KDM1A: variants seen among roughly 807,000 people sequenced by gnomAD.
KDM1A encodes the protein lysine-specific histone demethylase 1A.
Under a neutral mutation model 109.4 loss-of-function variants are expected in KDM1A, and 49 were observed. The observed-to-expected ratio is 0.45, with a 90% CI of 0.36 to 0.57. KDM1A has a LOEUF of 0.57. Among genes scored for constraint, KDM1A ranks in the 20% least tolerant of loss-of-function variants. The pLI, the probability that KDM1A is intolerant of heterozygous loss-of-function variation, is 0.00. For missense variants in KDM1A, 668 were observed against 1,116.6 expected (o/e 0.60, Z 5.73); for synonymous variants, 380 against 415.4 (o/e 0.91, Z 1.04).
intron 1 of KDM1A, among the ~76,000 whole-genome samples, chr1:23,026,397 T>G (rs1381920461): frequency 8.7e-5 from 5 of 57,380 alleles, no homozygotes; most frequent in Non-Finnish European, 1.4e-4. Context: ...TCTGTTTGTT[T>G]TTTTTTTTTT....
In KDM1A at chr1:23,068,550, G is replaced by C; in HGVS notation, c.1191G>C (p.Glu397Asp). 1 of 1,582,138 alleles carries C rather than the reference G, an allele frequency of 6.3e-7. No homozygotes were observed. Among genetic ancestry groups the C allele is most frequent in the South Asian group, 1.2e-5 (1 of 84,666 alleles). The change falls in exon 11 of 21, where the codon GAG (glutamate) becomes GAC (aspartate). Residue 397 changes from glutamate (E) to aspartate (D), a missense_variant. By Grantham distance (45) the Glu-to-Asp change is conservative. Around this residue, in one of 8 missense-constraint regions of KDM1A, gnomAD observed 53 missense variants for 122.5 expected, o/e 0.43. Transcript: ENST00000400181. ...GQADTVKVPK[E>D]KDEMVEQEFN... ...CTTCGGATTTTCAGGTTCCTAAAGA[G>C]AAAGATGAAATGGTAGAGCAAGAGT...
intron 2 of KDM1A, among the ~76,000 whole-genome samples, chr1:23,036,832 A>G (rs991459565): frequency 2.0e-5 from 3 of 152,134 alleles, no homozygotes; most frequent in Non-Finnish European, 2.9e-5. Context: ...AAAAATAGGC[A>G]TTTTCTACAA....
rs1553131352 is a variant in KDM1A, at chr1:23,071,248, T to G, written c.1437T>G (p.Ile479Met). ...LNKMVNLKEK[I>M]KELHQQYKEA... ...AGATGGTAAATTTGAAAGAGAAAAT[T>G]AAAGAACTCCATCAGCAATACAAAG... The change falls in exon 13 of 21, where the codon ATT (isoleucine) becomes ATG (methionine). Residue 479 changes from isoleucine (I) to methionine (M), a missense_variant. Physicochemically the swap from Ile to Met is conservative, Grantham distance 10 (BLOSUM62 1). Transcript: ENST00000400181. The G allele has an allele frequency of 6.3e-7, 1 of 1,598,470 alleles. No individual in the cohort carries two copies. The highest frequency in any genetic ancestry group is 1.1e-5 in the South Asian group (1 of 87,636).
At chr1:23,038,566 G>T (rs1393540652) in intron 2 of KDM1A, among the ~76,000 whole-genome samples, 1 of 152,138 alleles carries the variant, frequency 6.6e-6, no homozygotes, top group Non-Finnish European at 1.5e-5. Context: ...AATAAGTAAG[G>T]ATCAGGAAAA....
intron 2 of KDM1A, among the ~76,000 whole-genome samples, chr1:23,035,826 A>G (rs2124394262): frequency 6.6e-6 from 1 of 152,350 alleles, no homozygotes; most frequent in Admixed American, 6.5e-5. Flanking sequence ...ATTAAAAGGC[A>G]GAATCTTCTA....
chr1:23,071,447 A>G (rs1470527526), intron 13 of KDM1A, 88 bp downstream of exon 13: 119 of 1,301,194 alleles, frequency 9.1e-5, no homozygotes, highest in Non-Finnish European at 8.9e-5. Flanking sequence ...GAGAGCCACT[A>G]GCCAATCACA....
At chr1:23,038,139 G>A (rs1258556649) in intron 2 of KDM1A, among the ~76,000 whole-genome samples, 4 of 152,128 alleles carry the variant, frequency 2.6e-5, no homozygotes, top group African/African-American at 9.7e-5. Flanking sequence ...AATCAGGGCA[G>A]CTTTAGACCA....
At chr1:23,077,554 C>G (rs911623500) in intron 16 of KDM1A, among the ~76,000 whole-genome samples, 194 bp downstream of exon 16, 5 of 152,214 alleles carry the variant, frequency 3.3e-5, no homozygotes, top group Admixed American at 6.5e-5. Flanking sequence ...ACTGGGAAAT[C>G]GAAGCAAGTT....
At chr1:23,075,231 A>T (rs1418725574) in intron 15 of KDM1A, among the ~76,000 whole-genome samples, 3 of 152,244 alleles carry the variant, frequency 2.0e-5, no homozygotes, top group Non-Finnish European at 4.4e-5. Flanking sequence ...TTTACTCTTC[A>T]AGTGAGAAAT....
Position 23,079,297 on chromosome 1 carries a change from C to A in KDM1A, c.2055+120C>A. ...CATTTGGCTATGCTCCCAATTGTGA[C>A]ATCAGGGCTGAGGCGTGTCAGTTGA... On this transcript the variant is annotated intron_variant, in intron 17 of 20. Coordinates refer to ENST00000400181, the MANE Select transcript of KDM1A (RefSeq NM_001009999.3). This position sits in a 1 kb window ranked among gnomAD's most constrained non-coding sequence, Gnocchi z 5.6. The A allele has an allele frequency of 9.9e-7, 1 of 1,010,838 alleles. No homozygotes were observed. Among genetic ancestry groups the A allele is most frequent in the Non-Finnish European group, 1.5e-6 (1 of 683,128 alleles). The allele number at this position is 1,010,838 out of a possible 1,614,324, so 62.6% of individuals were successfully genotyped here. A position where few individuals can be genotyped will look rare whatever the true frequency, so the allele number is the denominator to read the frequency against.
intron 2 of KDM1A, among the ~76,000 whole-genome samples, chr1:23,033,246 G>C (rs1261450929): frequency 6.6e-6 from 1 of 152,140 alleles, no homozygotes; most frequent in Non-Finnish European, 1.5e-5. Context: ...AAAAAATATA[G>C]GTTAGGGCCA....
chr1:23,050,635 A>G (rs940088045), intron 4 of KDM1A, 115 bp downstream of exon 4: 5 of 780,160 alleles, frequency 6.4e-6, no homozygotes, highest in African/African-American at 3.6e-5. Context: ...CTATAATACT[A>G]TTATTACCCA....
At chr1:23,083,130 T>C (rs1415249571) in intron 20 of KDM1A, 49 bp from the exon 21 acceptor site, 7 of 1,535,628 alleles carry the variant, frequency 4.6e-6, no homozygotes, top group Non-Finnish European at 3.6e-6. Flanking sequence ...AGTACAAGAA[T>C]AAAGGTATAT....
In KDM1A at chr1:23,083,442, C is replaced by A; in HGVS notation, c.*78C>A. On this transcript the variant is annotated 3_prime_UTR_variant, in exon 21 of 21. Coordinates refer to ENST00000400181, the MANE Select transcript of KDM1A (RefSeq NM_001009999.3). ...GAAGGCTCTTCTAGCAATACTAGAT[C>A]CCACTGAGAAAATCCACCCTGGCAT... 7.2e-7 allele frequency: 1 copy of A among 1,393,446 alleles called. No homozygotes were observed. Among genetic ancestry groups the A allele is most frequent in the Admixed American group, 2.3e-5 (1 of 43,454 alleles). 86.3% of individuals were successfully genotyped at this position (1,393,446 alleles called of 1,614,324 possible).
At chr1:23,056,870 G>T (rs892461426) in intron 7 of KDM1A, among the ~76,000 whole-genome samples, 14 of 151,150 alleles carry the variant, frequency 9.3e-5, no homozygotes, top group African/African-American at 2.9e-4. Flanking sequence ...TTAAATTATC[G>T]CTACAACTCA....
chr1:23,042,435 A>ATATTATTAT (rs1404004021), intron 2 of KDM1A, among the ~76,000 whole-genome samples: 9,247 of 58,060 alleles, frequency 0.16, 1,422 homozygotes, highest in East Asian at 0.21. Context: ...TCTATGAAAT[A>ATATTATTAT]TATTATTTTT....
At chr1:23,039,953 AACTC>A (rs1350390782) in intron 2 of KDM1A, among the ~76,000 whole-genome samples, 4 of 152,242 alleles carry the variant, frequency 2.6e-5, no homozygotes, top group Non-Finnish European at 5.9e-5. Flanking sequence ...TTAAATAAGA[AACTC>A]AATTAGTGCG....
intron 9 of KDM1A, among the ~76,000 whole-genome samples, chr1:23,065,717 TTTGTTG>T (rs542649884): frequency 1.1e-4 from 17 of 152,056 alleles, no homozygotes; most frequent in African/African-American, 2.4e-4. Context: ...TTTGTTTGAT[TTTGTTG>T]TTGTTGTTGT....
At chr1:23,073,534 C>A in intron 15 of KDM1A, 131 bp downstream of exon 15, 1 of 621,814 alleles carries the variant, frequency 1.6e-6, no homozygotes, top group Non-Finnish European at 2.9e-6. Context: ...TGAAATTCAC[C>A]TATTTTAAGT....
Sources: gnomAD v4.1 joint callset for allele counts (sites outside exome capture counted in the v4.1 genomes callset) on GRCh38, gnomAD v4.1.1 for gene constraint, gnomAD v4.1.1 regional missense constraint, Gnocchi (gnomAD v3.1) non-coding constraint, MANE v1.5 for transcripts, NCBI Gene and HGNC (gene_info 2026-07-23, HGNC 2026-07-21) for gene names.